SNX29: variants seen among roughly 807,000 people sequenced by gnomAD.
The protein encoded by SNX29 is sorting nexin 29, also known as sorting nexin-29.
In SNX29, 78 loss-of-function variants were observed where a neutral mutation model predicts 102.1. The ratio of observed to expected loss-of-function variants is 0.76; its 90% CI spans 0.64 to 0.92. The LOEUF is 0.92. Ranked by LOEUF, SNX29 falls within the 40% of genes least tolerant of loss-of-function variation. The pLI is 0.00. For missense variants in SNX29, 1,280 were observed against 1,061.7 expected (o/e 1.21, Z -2.86); for synonymous variants, 580 against 414.5 (o/e 1.40, Z -4.85).
In SNX29 at chr16:11,989,777, G is replaced by C. The variant is rs542181728; in HGVS notation, c.8-9520G>C. Among the ~76,000 whole-genome samples the C allele has an allele frequency of 7.9e-5, 12 of 152,344 alleles. No individual in the cohort carries two copies. In the South Asian group the frequency reaches 2.5e-3, roughly 32 times the overall value. On this transcript the variant is annotated intron_variant, in intron 1 of 20. Transcript: ENST00000566228. ...ACGATGGGGATTACATCAGCGCTAT[G>C]GCAGGACTGCAGGGCCATGGGAGCA...
chr16:12,557,852 C>A (rs1301164545), intron 20 of SNX29, among the ~76,000 whole-genome samples: 1 of 152,174 alleles, frequency 6.6e-6, no homozygotes, highest in African/African-American at 2.4e-5. Flanking sequence ...TGTGACATGA[C>A]CATAGCCATT....
chr16:12,384,062 A>G (rs1169243217), intron 16 of SNX29, among the ~76,000 whole-genome samples: 2 of 152,054 alleles, frequency 1.3e-5, no homozygotes, highest in Non-Finnish European at 2.9e-5. Flanking sequence ...TTTTCTTATT[A>G]ATGGCTGAAT....
intron 14 of SNX29, among the ~76,000 whole-genome samples, chr16:12,262,789 G>A (rs1000387574): frequency 1.3e-5 from 2 of 152,206 alleles, no homozygotes; most frequent in Non-Finnish European, 1.5e-5. Context: ...TGCAGTTCAC[G>A]TGTTCTAAGT....
chr16:12,098,096 T>C lies in SNX29; in HGVS notation c.1402+19181T>C, dbSNP rs1473096154. Among the ~76,000 whole-genome samples, 2 of 152,358 alleles carry C rather than the reference T, an allele frequency of 1.3e-5. No individual in the cohort carries two copies. The highest frequency in any genetic ancestry group is 4.8e-5 in the African/African-American group (2 of 41,584). On this transcript the variant is annotated intron_variant, in intron 11 of 20. Coordinates refer to ENST00000566228, the MANE Select transcript of SNX29 (RefSeq NM_032167.5). This position sits in a 1 kb window ranked among gnomAD's most constrained non-coding sequence, Gnocchi z 6.0. ...TGCCATGTGCAGTGCCCGCACACGCTGGGCCCAGAGGACGCTCAGTACGTG... is the reference window on the plus strand; with the variant it reads ...TGCCATGTGCAGTGCCCGCACACGCCGGGCCCAGAGGACGCTCAGTACGTG...
At chr16:12,554,171 G>A (rs1300392351) in intron 20 of SNX29, among the ~76,000 whole-genome samples, 2 of 152,208 alleles carry the variant, frequency 1.3e-5, no homozygotes, top group African/African-American at 4.8e-5. Context: ...TGAGCAATGT[G>A]TGAATAAGTT....
chr16:12,220,327 G>A (rs1292962131), intron 14 of SNX29, among the ~76,000 whole-genome samples: 1 of 140,418 alleles, frequency 7.1e-6, no homozygotes, highest in East Asian at 2.0e-4. Flanking sequence ...AGGGAGGAAG[G>A]GAGGGAGGGA....
At chr16:12,528,791 T>A (rs2076855102) in intron 20 of SNX29, among the ~76,000 whole-genome samples, 1 of 152,248 alleles carries the variant, frequency 6.6e-6, no homozygotes, top group African/African-American at 2.4e-5. Flanking sequence ...GTTTGCACAC[T>A]GTGCCACTGT....
intron 3 of SNX29, among the ~76,000 whole-genome samples, chr16:12,013,341 A>G (rs1387274937): frequency 6.6e-6 from 1 of 150,388 alleles, no homozygotes. Flanking sequence ...CCTCAAAACA[A>G]CAGTCAAGAT....
intron 20 of SNX29, among the ~76,000 whole-genome samples, chr16:12,543,192 A>G (rs1486000357): frequency 3.3e-5 from 5 of 152,176 alleles, no homozygotes; most frequent in Non-Finnish European, 7.3e-5. Context: ...CCTAGGAAAA[A>G]TCATATTCAT....
chr16:12,438,571 C>T (rs528590347), intron 18 of SNX29, among the ~76,000 whole-genome samples: 18 of 152,338 alleles, frequency 1.2e-4, no homozygotes, highest in Admixed American at 9.1e-4. Context: ...ATTGAGGCTG[C>T]GCCTTGCTGG....
intron 1 of SNX29, among the ~76,000 whole-genome samples, chr16:11,995,903 T>TA (rs1472937402): frequency 4.6e-5 from 7 of 151,706 alleles, no homozygotes; most frequent in Admixed American, 3.9e-4. Flanking sequence ...CTACTGAAAA[T>TA]ACAAAAATTA....
intron 20 of SNX29, among the ~76,000 whole-genome samples, chr16:12,564,705 C>CA (rs1480209317): frequency 1.3e-5 from 2 of 152,134 alleles, no homozygotes; most frequent in East Asian, 1.9e-4. Context: ...CCCAGAGCTG[C>CA]AAGCCCACTT....
chr16:12,110,701 C>T (rs987118124), intron 11 of SNX29, among the ~76,000 whole-genome samples: 1 of 152,210 alleles, frequency 6.6e-6, no homozygotes, highest in Non-Finnish European at 1.5e-5. Flanking sequence ...AAACCAACCT[C>T]TGGACTACAG....
intron 4 of SNX29, among the ~76,000 whole-genome samples, chr16:12,036,977 C>G (rs1345768216): frequency 6.6e-6 from 1 of 152,060 alleles, no homozygotes; most frequent in Non-Finnish European, 1.5e-5. Context: ...CCAAATCTGT[C>G]TCCATCTGTC....
intron 11 of SNX29, among the ~76,000 whole-genome samples, chr16:12,109,306 C>T (rs1227725893): frequency 2.6e-5 from 4 of 151,840 alleles, no homozygotes; most frequent in Admixed American, 2.6e-4. Context: ...AGTGTGTGAG[C>T]TCAGGTCTCT....
chr16:12,060,124 C>G (rs2050710152), intron 8 of SNX29, among the ~76,000 whole-genome samples: 1 of 151,348 alleles, frequency 6.6e-6, no homozygotes, highest in Non-Finnish European at 1.5e-5. Flanking sequence ...TTTCAACCAA[C>G]TGTGGATCAA....
At chr16:12,295,294 C>G (rs1026054903) in intron 15 of SNX29, among the ~76,000 whole-genome samples, 1 of 152,206 alleles carries the variant, frequency 6.6e-6, no homozygotes, top group Non-Finnish European at 1.5e-5. Flanking sequence ...TTTAAGGATA[C>G]GCACACCCCA....
chr16:12,002,786 C>T (rs1244258592), intron 2 of SNX29, among the ~76,000 whole-genome samples: 1 of 152,194 alleles, frequency 6.6e-6, no homozygotes, highest in Non-Finnish European at 1.5e-5. Context: ...ATAAGGGTTT[C>T]CTTTAAGTGG....
At chr16:11,988,732 T>C (rs2055729920) in intron 1 of SNX29, among the ~76,000 whole-genome samples, 1 of 152,158 alleles carries the variant, frequency 6.6e-6, no homozygotes, top group African/African-American at 2.4e-5. Context: ...TACATTGCCA[T>C]GCTAGTGTTT....
Sources: allele counts gnomAD v4.1 joint callset (sites outside exome capture counted in the v4.1 genomes callset), GRCh38; gene constraint gnomAD v4.1.1; non-coding constraint Gnocchi (gnomAD v3.1); transcripts MANE v1.5; gene names NCBI Gene and HGNC (gene_info 2026-07-23, HGNC 2026-07-21).